ATXN8OS: variants seen among roughly 807,000 people sequenced by gnomAD.
ATXN8OS encodes ATXN8 opposite strand (non-protein coding).
Position 70,167,723 on chromosome 13 carries a change from C to CTTTTTT in ATXN8OS, n.574-2009_574-2004dup, listed in dbSNP as rs4053603. Reference sequence around the variant, plus strand: ...AATACTATCACAACATATGTAACTTCTTTTTTTTTTTTTTTTTTTTTTTTT... The same window carrying CTTTTTT: ...AATACTATCACAACATATGTAACTTCTTTTTTTTTTTTTTTTTTTTTTTTTTTTTTT... On this transcript the variant is annotated intron_variant and non_coding_transcript_variant, in intron 4 of 4. Coordinates refer to ENST00000678624, the Ensembl canonical transcript of ATXN8OS. Among the ~76,000 whole-genome samples the CTTTTTT allele has an allele frequency of 4.7e-4, 29 of 61,880 alleles. 3 individuals carry two copies. Among genetic ancestry groups the CTTTTTT allele is most frequent in the African/African-American group, 7.3e-4 (13 of 17,820 alleles). The allele number at this position is 61,880 out of a possible 152,430, so 40.6% of individuals were successfully genotyped here. A position where few individuals can be genotyped will look rare whatever the true frequency, so the allele number is the denominator to read the frequency against.
intron 3 of ATXN8OS, among the ~76,000 whole-genome samples, chr13:70,144,067 C>T (rs191731293): frequency 6.6e-6 from 1 of 152,112 alleles, no homozygotes; most frequent in Admixed American, 6.5e-5. Context: ...ATTGGGACTA[C>T]TGTGGTGAAG....
At chr13:70,153,018 G>C in intron 4 of ATXN8OS, among the ~76,000 whole-genome samples, 1 of 115,068 alleles carries the variant, frequency 8.7e-6, no homozygotes, top group Admixed American at 8.2e-5. Flanking sequence ...AAAAAACTGT[G>C]TGTGTGTGTG....
At chr13:70,109,988 T>C (rs906186568) in intron 1 of ATXN8OS, among the ~76,000 whole-genome samples, 2 of 152,178 alleles carry the variant, frequency 1.3e-5, no homozygotes, top group East Asian at 1.9e-4. Flanking sequence ...TCATTCACCA[T>C]TCACAAACTG....
At chr13:70,164,232 C>T (rs1246197980) in intron 4 of ATXN8OS, among the ~76,000 whole-genome samples, 2 of 150,848 alleles carry the variant, frequency 1.3e-5, no homozygotes, top group African/African-American at 4.9e-5. Context: ...CCAAGGTTAC[C>T]TTTTTTTTGA....
At chr13:70,123,037 A>T (rs1888383860) in intron 2 of ATXN8OS, among the ~76,000 whole-genome samples, 1 of 152,036 alleles carries the variant, frequency 6.6e-6, no homozygotes, top group African/African-American at 2.4e-5. Context: ...ATTTTATCAT[A>T]AGGTTCAACA....
At chr13:70,138,359 C>T (rs544154569) in intron 3 of ATXN8OS, among the ~76,000 whole-genome samples, 232 of 149,224 alleles carry the variant, frequency 1.6e-3, no homozygotes, top group African/African-American at 5.1e-3. Context: ...TACCAAGCTG[C>T]GAAAATCTAA....
intron 4 of ATXN8OS, among the ~76,000 whole-genome samples, chr13:70,153,343 G>A (rs1341355599): frequency 6.6e-6 from 1 of 152,058 alleles, no homozygotes; most frequent in African/African-American, 2.4e-5. Context: ...GGGAGGCTGA[G>A]GCAGGCAGAT....
At chr13:70,145,805 A>T (rs1038140250) in intron 3 of ATXN8OS, among the ~76,000 whole-genome samples, 4 of 152,118 alleles carry the variant, frequency 2.6e-5, no homozygotes, top group African/African-American at 4.8e-5. Context: ...AAACCATAAA[A>T]ACCCTAGAAG....
chr13:70,150,982 G>T (rs1474887516), intron 4 of ATXN8OS, among the ~76,000 whole-genome samples: 1 of 152,066 alleles, frequency 6.6e-6, no homozygotes, highest in African/African-American at 2.4e-5. Context: ...GCTTTATCAA[G>T]GTGTGATTGA....
chr13:70,109,257 A>T (rs1188286869), intron 1 of ATXN8OS, among the ~76,000 whole-genome samples: 1 of 152,222 alleles, frequency 6.6e-6, no homozygotes, highest in Non-Finnish European at 1.5e-5. Flanking sequence ...CTTTCAGTAC[A>T]TGACTACTTG....
At chr13:70,152,587 A>T (rs1445623686) in intron 4 of ATXN8OS, among the ~76,000 whole-genome samples, 1 of 151,954 alleles carries the variant, frequency 6.6e-6, no homozygotes, top group Non-Finnish European at 1.5e-5. Context: ...CACTTAATTC[A>T]TCATGCATGA....
At chr13:70,117,271 T>C (rs2137472402) in intron 2 of ATXN8OS, among the ~76,000 whole-genome samples, 1 of 152,176 alleles carries the variant, frequency 6.6e-6, no homozygotes, top group South Asian at 2.1e-4. Context: ...TTTTAGGTGA[T>C]GAATATGTTG....
At position 70,150,931 on chromosome 13, in the gene ATXN8OS, G is replaced by T. The variant is rs531060573; in HGVS notation, n.573+3503G>T. 3.3e-5 allele frequency among the ~76,000 whole-genome samples: 5 copies of T among 152,192 alleles called. No individual in the cohort carries two copies. In the South Asian group the frequency reaches 8.3e-4, roughly 25 times the overall value. ...TTACTAAGTTGCTCAAAGAAGGTTC[G>T]TGGCAAAGCAGGCATTGGCACTATA... On this transcript the variant is annotated intron_variant and non_coding_transcript_variant, in intron 4 of 4. Coordinates refer to ENST00000678624, the Ensembl canonical transcript of ATXN8OS.
chr13:70,115,886 C>T (rs1003368975), intron 2 of ATXN8OS, among the ~76,000 whole-genome samples: 2 of 151,820 alleles, frequency 1.3e-5, no homozygotes, highest in African/African-American at 4.8e-5. Context: ...TTCTAAAGTA[C>T]TATAAAATAC....
intron 4 of ATXN8OS, among the ~76,000 whole-genome samples, chr13:70,153,569 CA>C (rs1278140842): frequency 6.6e-6 from 1 of 151,564 alleles, no homozygotes; most frequent in Non-Finnish European, 1.5e-5. Flanking sequence ...TGAGAGACTG[CA>C]AAAAAATAAA....
chr13:70,127,193 CTAT>C (rs1159012860), intron 2 of ATXN8OS, among the ~76,000 whole-genome samples: 1 of 151,838 alleles, frequency 6.6e-6, no homozygotes, highest in East Asian at 1.9e-4. Flanking sequence ...TTAATTCTTT[CTAT>C]TATTTGGATA....
At chr13:70,107,622 A>G, upstream of ATXN8OS, 1 of 1,579,882 alleles carries the variant, frequency 6.3e-7, no homozygotes, top group Non-Finnish European at 8.6e-7. Context: ...CGGTGGAAGG[A>G]GACGGGTGGC....
At chr13:70,137,431 T>C (rs1166960605) in intron 3 of ATXN8OS, among the ~76,000 whole-genome samples, 1 of 152,208 alleles carries the variant, frequency 6.6e-6, no homozygotes, top group East Asian at 1.9e-4. Flanking sequence ...AGCACTGATA[T>C]ATTTTAGAAG....
intron 4 of ATXN8OS, among the ~76,000 whole-genome samples, chr13:70,148,657 A>G (rs549064466): frequency 6.6e-6 from 1 of 152,182 alleles, no homozygotes; most frequent in South Asian, 2.1e-4. Flanking sequence ...ATTTTGTTTT[A>G]CCATTTGAAA....
Sources: allele counts gnomAD v4.1 joint callset (sites outside exome capture counted in the v4.1 genomes callset), GRCh38; gene constraint gnomAD v4.1.1; transcripts MANE v1.5; gene names NCBI Gene and HGNC (gene_info 2026-07-23, HGNC 2026-07-21).